Variants in GPHN observed in about 807,000 individuals in gnomAD.
The protein encoded by GPHN is gephyrin.
A neutral mutation model predicts 95.5 loss-of-function variants in GPHN; 17 were observed. That is an observed-to-expected ratio of 0.18 (90% CI 0.12 to 0.27). GPHN has a LOEUF of 0.27. Among genes scored for constraint, GPHN ranks in the 10% least tolerant of loss-of-function variants. The pLI is 1.00. For synonymous variants in GPHN, 320 were observed against 322.5 expected (o/e 0.99, Z 0.08); for missense variants, 660 against 978.1 (o/e 0.67, Z 4.34).
At chr14:66,606,195 C>T (rs901437630) in intron 1 of GPHN, among the ~76,000 whole-genome samples, 4 of 152,120 alleles carry the variant, frequency 2.6e-5, no homozygotes, top group Non-Finnish European at 5.9e-5. Context: ...AGACTAGCTT[C>T]ATTCTTCTGC....
the GPHN span, among the ~76,000 whole-genome samples, chr14:67,672,452 T>C: frequency 9.6e-5 from 14 of 145,228 alleles, no homozygotes; most frequent in Middle Eastern, 7.3e-3. Flanking sequence ...CTTTTCTTTT[T>C]TTTTTTTTTT....
At chr14:67,562,381 A>G in the GPHN span, 1 of 1,613,560 alleles carries the variant, frequency 6.2e-7, no homozygotes, top group Non-Finnish European at 8.5e-7. Context: ...GGGAAACAGT[A>G]GAGGCCAAGC....
At chr14:67,622,921 T>C in the GPHN span, among the ~76,000 whole-genome samples, 1 of 152,222 alleles carries the variant, frequency 6.6e-6, no homozygotes, top group Non-Finnish European at 1.5e-5. Flanking sequence ...ACTCATGCTT[T>C]GTAGACTTCC....
intron 11 of GPHN, among the ~76,000 whole-genome samples, chr14:67,066,975 G>T (rs2076083823): frequency 6.6e-6 from 1 of 152,146 alleles, no homozygotes; most frequent in South Asian, 2.1e-4. Flanking sequence ...TTCCATTGCT[G>T]GTGAGGAGCT....
the GPHN span, among the ~76,000 whole-genome samples, chr14:67,652,061 C>T: frequency 3.3e-5 from 5 of 152,132 alleles, no homozygotes; most frequent in Admixed American, 6.5e-5. Flanking sequence ...TAGGAAAATC[C>T]CACCCCTCCT....
At chr14:67,368,144 T>C in the GPHN span, among the ~76,000 whole-genome samples, 106 of 152,172 alleles carry the variant, frequency 7.0e-4, 3 homozygotes, top group Admixed American at 1.9e-3. Context: ...CACAAGGAAC[T>C]AGGGGAAAAA....
the GPHN span, chr14:67,205,098 C>A: frequency 1.3e-6 from 2 of 1,543,020 alleles, no homozygotes; most frequent in South Asian, 2.4e-5. Context: ...AGGTATGTGT[C>A]ACTGAAGACT....
At chr14:67,600,447 C>A in the GPHN span, among the ~76,000 whole-genome samples, 4 of 152,274 alleles carry the variant, frequency 2.6e-5, no homozygotes, top group African/African-American at 9.6e-5. Context: ...AGATTAAAAT[C>A]GTTTTTAGAC....
In GPHN at chr14:66,538,804, G is replaced by A. The variant is rs144030559; in HGVS notation, c.64+30213G>A. Among the ~76,000 whole-genome samples, 541 of 131,786 alleles carry A rather than the reference G, an allele frequency of 4.1e-3. 1 individual carries two copies. Among genetic ancestry groups the A allele is most frequent in the African/African-American group, 0.016 (523 of 33,550 alleles). 86.5% of individuals were successfully genotyped at this position (131,786 alleles called of 152,430 possible). On this transcript the variant is annotated intron_variant, in intron 1 of 22. Transcript: ENST00000478722. ...TTGTTTTTTTTTTTTCACATATATT[G>A]TATGTGAAAAACATACAATATATGT...
chr14:66,766,488 C>CA (rs941298718), intron 2 of GPHN, among the ~76,000 whole-genome samples: 3 of 151,998 alleles, frequency 2.0e-5, no homozygotes, highest in Non-Finnish European at 4.4e-5. Flanking sequence ...ACTAGACTCA[C>CA]AAAAACAGTA....
chr14:67,269,325 T>G, the GPHN span, among the ~76,000 whole-genome samples: 4 of 151,862 alleles, frequency 2.6e-5, no homozygotes, highest in African/African-American at 9.7e-5. Context: ...ATGAATATTT[T>G]TGTACAAGTT....
the GPHN span, chr14:67,581,952 A>T: frequency 9.8e-7 from 1 of 1,020,352 alleles, no homozygotes; most frequent in Non-Finnish European, 1.4e-6. Flanking sequence ...ATAGGCTCAT[A>T]AATAGTGGGA....
the GPHN span, among the ~76,000 whole-genome samples, chr14:67,383,132 A>T: frequency 6.6e-6 from 1 of 152,194 alleles, no homozygotes; most frequent in Non-Finnish European, 1.5e-5. Flanking sequence ...TACTATTCTC[A>T]TAAGTTTCAC....
chr14:66,817,057 T>C (rs946258736), intron 3 of GPHN, among the ~76,000 whole-genome samples: 4 of 152,152 alleles, frequency 2.6e-5, no homozygotes, highest in Non-Finnish European at 4.4e-5. Context: ...ATACATGTAG[T>C]ATTTCCGAAA....
chr14:66,545,003 C>T (rs139475515), intron 1 of GPHN, among the ~76,000 whole-genome samples: 3,978 of 152,330 alleles, frequency 0.026, 76 homozygotes, highest in Middle Eastern at 0.044. Context: ...TACACAAACA[C>T]GGCAACCATC....
chr14:67,616,549 T>G, the GPHN span: 1 of 152,640 alleles, frequency 6.6e-6, no homozygotes, highest in Non-Finnish European at 1.5e-5. Context: ...ATTATTATTA[T>G]TATTGTTGTC....
the GPHN span, among the ~76,000 whole-genome samples, chr14:67,644,592 G>A: frequency 3.3e-5 from 5 of 152,188 alleles, no homozygotes; most frequent in African/African-American, 1.2e-4. Context: ...TTACTGGGAA[G>A]CTTTCCAACA....
At chr14:66,882,922 T>C (rs1403837788) in intron 5 of GPHN, among the ~76,000 whole-genome samples, 1 of 151,620 alleles carries the variant, frequency 6.6e-6, no homozygotes, top group Non-Finnish European at 1.5e-5. Flanking sequence ...TGAAAAGAAA[T>C]GAGCAATCAA....
the GPHN span, chr14:67,562,871 C>A: frequency 6.2e-7 from 1 of 1,612,912 alleles, no homozygotes. Context: ...ACCTACACCC[C>A]CGCTGCACCA....
Sources: allele counts gnomAD v4.1 joint callset (sites outside exome capture counted in the v4.1 genomes callset), GRCh38; gene constraint gnomAD v4.1.1; transcripts MANE v1.5; gene names NCBI Gene and HGNC (gene_info 2026-07-23, HGNC 2026-07-21).